Variants in ZWILCH observed in about 807,000 individuals in gnomAD.
ZWILCH encodes protein zwilch homolog.
ZWILCH carries 74 observed loss-of-function variants against 79.9 expected under a neutral mutation model. The ratio of observed to expected loss-of-function variants is 0.93; its 90% CI spans 0.77 to 1.12. The LOEUF is 1.12. Among genes scored for constraint, ZWILCH ranks in the 50% most tolerant of loss-of-function variants. The probability of loss-of-function intolerance (pLI) is 0.00; values close to 1 mark genes in which losing one functional copy is unlikely to be tolerated. For synonymous variants in ZWILCH, 241 were observed against 228.2 expected (o/e 1.06, Z -0.51); for missense variants, 694 against 687.5 (o/e 1.01, Z -0.11).
intron 3 of ZWILCH, among the ~76,000 whole-genome samples, 191 bp from the exon 4 acceptor site, chr15:66,515,335 T>C (rs1485453680): frequency 6.6e-6 from 1 of 152,178 alleles, no homozygotes; most frequent in Non-Finnish European, 1.5e-5. Flanking sequence ...GTTGAAATGC[T>C]CCTGATGGCA....
chr15:66,509,963 G>A (rs1893992851), intron 2 of ZWILCH, among the ~76,000 whole-genome samples: 1 of 149,178 alleles, frequency 6.7e-6, no homozygotes, highest in Non-Finnish European at 1.5e-5. Flanking sequence ...GATCACCTGA[G>A]GTCAGGAGTT....
chr15:66,515,403 G>T (rs1894214023), intron 3 of ZWILCH, 123 bp from the exon 4 acceptor site: 1 of 665,430 alleles, frequency 1.5e-6, no homozygotes. Context: ...AATCATTTGT[G>T]CTTAAGGGTA....
At position 66,549,986 on chromosome 15, in the gene ZWILCH, T is replaced by C; in HGVS notation, c.*1662T>C. 2 of 1,173,678 alleles carry C rather than the reference T, an allele frequency of 1.7e-6. No individual in the cohort carries two copies. Among genetic ancestry groups the C allele is most frequent in the Non-Finnish European group, 2.4e-6 (2 of 838,756 alleles). The allele number at this position is 1,173,678 out of a possible 1,614,324, so 72.7% of individuals were successfully genotyped here. A position where few individuals can be genotyped will look rare whatever the true frequency, so the allele number is the denominator to read the frequency against. On this transcript the variant is annotated 3_prime_UTR_variant, in exon 19 of 19. Coordinates refer to ENST00000307897, the MANE Select transcript of ZWILCH (RefSeq NM_017975.5). ...ACATTTTGAGATTTTGAAAATGATA[T>C]GTATAATTATTTAGTTTAATTATTA...
chr15:66,533,090 A>G lies in ZWILCH; in HGVS notation c.1341+77A>G, dbSNP rs907086133. The G allele has an allele frequency of 5.1e-6, 5 of 978,242 alleles. No individual in the cohort carries two copies. In the Admixed American group the frequency reaches 9.2e-5, roughly 18 times the overall value. 60.6% of individuals were successfully genotyped at this position (978,242 alleles called of 1,614,324 possible). A position where few individuals can be genotyped will look rare whatever the true frequency, so the allele number is the denominator to read the frequency against. On this transcript the variant is annotated intron_variant, in intron 14 of 18. Transcript: ENST00000307897. ...TGTGTGCAGTTATTAACTGCCAATA[A>G]TATGCTAGCCACTGTCTTAGGTCCT...
intron 2 of ZWILCH, among the ~76,000 whole-genome samples, chr15:66,511,804 G>T (rs949009291): frequency 6.6e-5 from 10 of 151,926 alleles, no homozygotes; most frequent in Non-Finnish European, 1.3e-4. Flanking sequence ...TAGTGGAGAC[G>T]GGGTTTCACC....
At chr15:66,519,474 A>G (rs187084635) in intron 5 of ZWILCH, among the ~76,000 whole-genome samples, 3 of 152,282 alleles carry the variant, frequency 2.0e-5, no homozygotes, top group East Asian at 3.9e-4. Context: ...ATTTATTTTG[A>G]GACGGAGTCT....
At chr15:66,533,941 T>C (rs1265200553) in intron 14 of ZWILCH, among the ~76,000 whole-genome samples, 1 of 152,068 alleles carries the variant, frequency 6.6e-6, no homozygotes, top group Non-Finnish European at 1.5e-5. Flanking sequence ...ACTCCATCTC[T>C]ACAAAAATAA....
At chr15:66,544,429 T>G (rs1050242745) in intron 17 of ZWILCH, among the ~76,000 whole-genome samples, 2 of 151,862 alleles carry the variant, frequency 1.3e-5, no homozygotes, top group African/African-American at 4.8e-5. Context: ...TCTTCCAGGC[T>G]CAAGCAATCC....
At chr15:66,509,009 G>A (rs376400322) in intron 2 of ZWILCH, 117 bp downstream of exon 2, 36 of 1,083,178 alleles carry the variant, frequency 3.3e-5, no homozygotes, top group Non-Finnish European at 4.3e-5. Flanking sequence ...GCGCGATCTC[G>A]GCTCACTGCA....
At chr15:66,520,548 T>C (rs751608820) in intron 5 of ZWILCH, 42 bp from the exon 6 acceptor site, 10 of 1,044,828 alleles carry the variant, frequency 9.6e-6, no homozygotes, top group Non-Finnish European at 1.5e-5. Context: ...ACAATGTAAT[T>C]TTGAGTTGTG....
chr15:66,526,008 C>G (rs1330454144), intron 8 of ZWILCH, among the ~76,000 whole-genome samples: 1 of 152,100 alleles, frequency 6.6e-6, no homozygotes, highest in Non-Finnish European at 1.5e-5. Flanking sequence ...AAGTGATCCA[C>G]CTGTCTCGGC....
intron 12 of ZWILCH, 125 bp downstream of exon 12, chr15:66,529,698 C>T (rs1337345116): frequency 1.0e-5 from 7 of 667,948 alleles, no homozygotes; most frequent in South Asian, 4.1e-5. Flanking sequence ...GTGTAAAGTT[C>T]GGCAGGTTCC....
At chr15:66,528,983 T>C in intron 11 of ZWILCH, 26 bp downstream of exon 11, 3 of 1,566,270 alleles carry the variant, frequency 1.9e-6, no homozygotes, top group East Asian at 2.2e-5. Context: ...GATTTAAATT[T>C]TTCCTCTTAT....
At chr15:66,522,091 G>A (rs112909399) in intron 7 of ZWILCH, among the ~76,000 whole-genome samples, 58 of 151,798 alleles carry the variant, frequency 3.8e-4, no homozygotes, top group Non-Finnish European at 2.1e-4. Context: ...CCAACTACTC[G>A]GGAGGCTGAG....
intron 16 of ZWILCH, among the ~76,000 whole-genome samples, chr15:66,539,446 C>T (rs1043164655): frequency 6.6e-6 from 1 of 151,036 alleles, no homozygotes; most frequent in Non-Finnish European, 1.5e-5. Context: ...TAGACTAGAC[C>T]TTGGTAACTC....
At chr15:66,509,853 A>C (rs1175279415) in intron 2 of ZWILCH, among the ~76,000 whole-genome samples, 1 of 95,808 alleles carries the variant, frequency 1.0e-5, no homozygotes, top group Non-Finnish European at 2.2e-5. Context: ...ATATATATAT[A>C]TATATATATA....
chr15:66,543,315 G>A (rs1595924099), intron 17 of ZWILCH, among the ~76,000 whole-genome samples: 1 of 152,164 alleles, frequency 6.6e-6, no homozygotes, highest in African/African-American at 2.4e-5. Context: ...TATTGCTTAT[G>A]GTAGCAAAAA....
chr15:66,520,257 A>T (rs137910105), intron 5 of ZWILCH, among the ~76,000 whole-genome samples: 42 of 151,758 alleles, frequency 2.8e-4, no homozygotes, highest in Middle Eastern at 3.4e-3. Context: ...AATAGCTGGG[A>T]CTACAGGCAC....
intron 14 of ZWILCH, among the ~76,000 whole-genome samples, chr15:66,534,370 G>A (rs1894946437): frequency 6.6e-6 from 1 of 152,088 alleles, no homozygotes; most frequent in African/African-American, 2.4e-5. Context: ...GTATACAAAG[G>A]GGATCATGGT....
Sources: allele counts gnomAD v4.1 joint callset (sites outside exome capture counted in the v4.1 genomes callset), GRCh38; gene constraint gnomAD v4.1.1; transcripts MANE v1.5; gene names NCBI Gene and HGNC (gene_info 2026-07-23, HGNC 2026-07-21).